Variants in TMCC1 observed in about 807,000 individuals in gnomAD.
TMCC1 encodes the protein transmembrane and coiled-coil domains protein 1.
TMCC1 carries 15 observed loss-of-function variants against 52.4 expected under a neutral mutation model. That is an observed-to-expected ratio of 0.29 (90% CI 0.19 to 0.44). TMCC1 has a LOEUF of 0.44. Ranked by LOEUF, TMCC1 falls within the 20% of genes least tolerant of loss-of-function variation. TMCC1 has a pLI of 1.00. For missense variants in TMCC1, 503 were observed against 806.0 expected, an observed-to-expected ratio of 0.62 and a Z score of 4.55; for synonymous variants, 279 against 301.9, an observed-to-expected ratio of 0.92 and a Z score of 0.79.
chr3:129,698,583 CT>C (rs1465347918), intron 4 of TMCC1, among the ~76,000 whole-genome samples: 2 of 152,176 alleles, frequency 1.3e-5, no homozygotes, highest in Admixed American at 6.5e-5. Flanking sequence ...TCTCTGTGTG[CT>C]CAATTTGTAC....
intron 4 of TMCC1, among the ~76,000 whole-genome samples, chr3:129,732,886 C>A (rs899100910): frequency 6.6e-6 from 1 of 152,150 alleles, no homozygotes; most frequent in Non-Finnish European, 1.5e-5. Context: ...ATTAGTATTA[C>A]AATATCGCCT....
At chr3:129,890,043 T>A (rs1469072068) in intron 1 of TMCC1, among the ~76,000 whole-genome samples, 1 of 152,168 alleles carries the variant, frequency 6.6e-6, no homozygotes, top group Non-Finnish European at 1.5e-5. Context: ...CCCAGCACTT[T>A]TGGAGGCCAA....
intron 4 of TMCC1, among the ~76,000 whole-genome samples, chr3:129,710,079 G>A (rs1002037665): frequency 6.6e-6 from 1 of 152,018 alleles, no homozygotes; most frequent in Admixed American, 6.6e-5. Flanking sequence ...CCAGCTACTC[G>A]GGAGGCTGAG....
Position 129,650,824 on chromosome 3 carries a change from C to T in TMCC1, c.*657G>A, listed in dbSNP as rs1231693971. 1 of 152,548 alleles carries T rather than the reference C, an allele frequency of 6.6e-6. No homozygotes were observed. The highest frequency in any genetic ancestry group is 1.5e-5 in the Non-Finnish European group (1 of 68,034). 9.4% of individuals were successfully genotyped at this position (152,548 alleles called of 1,614,324 possible). ...GTATTTAGAGGGCTACTTAAAAATA[C>T]TGTAGTAGGACTGTGCAGTGATCCT... On this transcript the variant is annotated 3_prime_UTR_variant, in exon 7 of 7. Transcript: ENST00000393238.
At chr3:129,842,159 A>C (rs1213991337) in intron 2 of TMCC1, among the ~76,000 whole-genome samples, 1 of 152,202 alleles carries the variant, frequency 6.6e-6, no homozygotes, top group African/African-American at 2.4e-5. Flanking sequence ...AACCCTTAGT[A>C]ATTGATAAAC....
chr3:129,726,121 AAG>A (rs1043578634), intron 4 of TMCC1, among the ~76,000 whole-genome samples: 5 of 152,188 alleles, frequency 3.3e-5, no homozygotes, highest in South Asian at 2.1e-4. Flanking sequence ...ATGGAACAAA[AAG>A]AGTCAGTCAT....
chr3:129,688,076 T>C (rs1389064595), intron 4 of TMCC1: 18 of 902,342 alleles, frequency 2.0e-5, no homozygotes, highest in Non-Finnish European at 2.4e-5. Context: ...CCATCAAACA[T>C]GATTTTGCAA....
intron 4 of TMCC1, among the ~76,000 whole-genome samples, chr3:129,761,121 C>T (rs1202398078): frequency 2.6e-5 from 4 of 151,130 alleles, no homozygotes; most frequent in African/African-American, 9.7e-5. Context: ...GTCGGGGGAT[C>T]GAGACCATCC....
chr3:129,793,152 T>G (rs965769354), intron 4 of TMCC1, among the ~76,000 whole-genome samples: 1 of 151,756 alleles, frequency 6.6e-6, no homozygotes, highest in African/African-American at 2.4e-5. Context: ...GTAAGAGAAA[T>G]GTGGAGGCCT....
At chr3:129,724,150 G>A (rs1366924271) in intron 4 of TMCC1, among the ~76,000 whole-genome samples, 1 of 152,130 alleles carries the variant, frequency 6.6e-6, no homozygotes, top group Non-Finnish European at 1.5e-5. Context: ...TATGAAGCAA[G>A]AGGATTCAGG....
chr3:129,787,426 A>C (rs1196562078), intron 4 of TMCC1, among the ~76,000 whole-genome samples: 1 of 152,160 alleles, frequency 6.6e-6, no homozygotes, highest in East Asian at 1.9e-4. Context: ...TTCCTGTGCT[A>C]CCACAAGGGA....
At chr3:129,742,353 T>C (rs2051537733) in intron 4 of TMCC1, among the ~76,000 whole-genome samples, 1 of 151,970 alleles carries the variant, frequency 6.6e-6, no homozygotes, top group Non-Finnish European at 1.5e-5. Context: ...ACAGAATATA[T>C]AAAAAATTAT....
Position 129,829,178 on chromosome 3 carries a change from C to T in TMCC1, c.-130-670G>A, listed in dbSNP as rs368687586. On this transcript the variant is annotated intron_variant, in intron 3 of 6. Coordinates refer to ENST00000393238, the MANE Select transcript of TMCC1 (RefSeq NM_001017395.5). ...GCACCATATGAGTGAATGGTTCAGACAGAATCAGAATCAGAGACTAGAGCT... is the reference window on the plus strand; with the variant it reads ...GCACCATATGAGTGAATGGTTCAGATAGAATCAGAATCAGAGACTAGAGCT... 4.6e-5 allele frequency among the ~76,000 whole-genome samples: 7 copies of T among 152,228 alleles called. No homozygotes were observed. The East Asian group carries it at 1.4e-3, about 29-fold the overall frequency.
At chr3:129,852,076 C>T (rs764388382) in intron 2 of TMCC1, among the ~76,000 whole-genome samples, 6 of 152,126 alleles carry the variant, frequency 3.9e-5, no homozygotes, top group Non-Finnish European at 7.4e-5. Context: ...TTGTTTGAAC[C>T]TGGAAAGTCA....
chr3:129,743,121 C>T (rs2051607410), intron 4 of TMCC1, among the ~76,000 whole-genome samples: 1 of 152,132 alleles, frequency 6.6e-6, no homozygotes. Flanking sequence ...AATGGTTGCA[C>T]TCTGTGAATC....
intron 4 of TMCC1, among the ~76,000 whole-genome samples, chr3:129,766,243 T>TAACAATTTGTTTGTGTCAGTA (rs2054118296): frequency 6.6e-6 from 1 of 152,210 alleles, no homozygotes; most frequent in Non-Finnish European, 1.5e-5. Flanking sequence ...TTAGTAGGCC[T>TAACAATTTGTTTGTGTCAGTA]GAGAGAAGAC....
intron 4 of TMCC1, among the ~76,000 whole-genome samples, chr3:129,687,839 A>G (rs2108940140): frequency 6.6e-6 from 1 of 152,308 alleles, no homozygotes; most frequent in African/African-American, 2.4e-5. Flanking sequence ...GGAAGGCTTT[A>G]TTTTTCCTTC....
At chr3:129,760,678 C>T (rs1396611051) in intron 4 of TMCC1, among the ~76,000 whole-genome samples, 1 of 151,874 alleles carries the variant, frequency 6.6e-6, no homozygotes, top group East Asian at 2.0e-4. Context: ...GGGGTTTCAC[C>T]GTGTTAGCCA....
At chr3:129,702,002 T>C (rs747630694) in intron 4 of TMCC1, among the ~76,000 whole-genome samples, 4 of 152,144 alleles carry the variant, frequency 2.6e-5, no homozygotes, top group Non-Finnish European at 4.4e-5. Context: ...TAAAATGGTA[T>C]AATAAAATAA....
Sources: gnomAD v4.1 joint callset for allele counts (sites outside exome capture counted in the v4.1 genomes callset) on GRCh38, gnomAD v4.1.1 for gene constraint, MANE v1.5 for transcripts, NCBI Gene and HGNC (gene_info 2026-07-23, HGNC 2026-07-21) for gene names.